The following SCYL2 variants were observed in gnomAD, a reference collection of about 807,000 sequenced individuals.
The protein encoded by SCYL2 is SCY1 like pseudokinase 2.
Under a neutral mutation model 100.4 loss-of-function variants are expected in SCYL2, and 36 were observed. That is an observed-to-expected ratio of 0.36 (90% confidence interval 0.27 to 0.47). SCYL2 has a LOEUF of 0.47. Ranked by LOEUF, SCYL2 falls within the 20% of genes least tolerant of loss-of-function variation. SCYL2 has a pLI of 1.00. For synonymous variants in SCYL2, 330 were observed against 359.2 expected (o/e 0.92, Z 0.92); for missense variants, 902 against 1,083.9 (o/e 0.83, Z 2.36).
intron 3 of SCYL2, among the ~76,000 whole-genome samples, chr12:100,297,683 T>C (rs2096322508): frequency 6.6e-6 from 1 of 152,218 alleles, no homozygotes; most frequent in African/African-American, 2.4e-5. Context: ...AAGTGTAATG[T>C]AACAGTATTT....
chr12:100,321,104 A>C (rs936603568), intron 10 of SCYL2, among the ~76,000 whole-genome samples: 4 of 152,152 alleles, frequency 2.6e-5, no homozygotes, highest in Non-Finnish European at 5.9e-5. Flanking sequence ...TGCCTGGCTC[A>C]TTTTTAAATT....
chr12:100,329,193 T>G lies in SCYL2; in HGVS notation c.1643-8T>G. ...ACTTATAAAATTTGTCACATTCTTT[T>G]CTATCAGGTATTTACAAATGTACTT... On this transcript the variant is annotated splice_polypyrimidine_tract_variant and splice_region_variant and intron_variant, in intron 12 of 17. Transcript: ENST00000360820. 7.4e-7 allele frequency: 1 copy of G among 1,342,528 alleles called. No homozygotes were observed. Among genetic ancestry groups the G allele is most frequent in the South Asian group, 1.2e-5 (1 of 85,122 alleles). 83.2% of individuals were successfully genotyped at this position (1,342,528 alleles called of 1,614,324 possible).
intron 1 of SCYL2, among the ~76,000 whole-genome samples, chr12:100,282,593 G>A (rs1174784937): frequency 6.6e-6 from 1 of 152,152 alleles, no homozygotes; most frequent in Non-Finnish European, 1.5e-5. Flanking sequence ...CCGAAGTGCT[G>A]ATATTACAGG....
At chr12:100,303,445 T>A (rs760496051) in intron 4 of SCYL2, among the ~76,000 whole-genome samples, 8 of 150,786 alleles carry the variant, frequency 5.3e-5, no homozygotes, top group Non-Finnish European at 1.2e-4. Context: ...GTAGATGTCC[T>A]TTTTGTTGAT....
rs935803791 is a variant in SCYL2 at position 100,339,108 on chromosome 12, A to C, written c.2726A>C (p.Gln909Pro). ...NPFFNPQNFAQPPTTMTNSSS... is the reference protein window; with the variant it reads ...NPFFNPQNFAPPPTTMTNSSS... The stretch of plus-strand genomic sequence containing the variant: ...TTCTTTAACCCACAGAACTTTGCAC[A>C]GCCACCAACTACTATGACCAATAGC... Residue 909 changes from glutamine (Q) to proline (P), a missense_variant, in exon 18 of 18, where the codon CAG becomes CCG. Physicochemically the swap from Gln to Pro is moderately conservative, Grantham distance 76. Transcript: ENST00000360820. 6 of 1,614,006 alleles carry C rather than the reference A, an allele frequency of 3.7e-6. No homozygotes were observed. The highest frequency in any genetic ancestry group is 5.1e-6 in the Non-Finnish European group (6 of 1,179,974).
chr12:100,295,581 C>T (rs939885820), intron 3 of SCYL2, among the ~76,000 whole-genome samples: 6 of 151,762 alleles, frequency 4.0e-5, no homozygotes, highest in Admixed American at 1.3e-4. Context: ...TGCCTGCAAT[C>T]GCAGGCACTC....
rs144731391 is a variant in SCYL2, at chr12:100,330,474, A to G, written c.1761+1155A>G. The stretch of plus-strand genomic sequence containing the variant: ...TCATTATAGCCCCAGCACTTAGTGC[A>G]ATGACAGAAGCAAAAATATTAATTG... On this transcript the variant is annotated intron_variant, in intron 13 of 17. Coordinates refer to ENST00000360820, the MANE Select transcript of SCYL2 (RefSeq NM_017988.6). Among the ~76,000 whole-genome samples, 60 of 152,342 alleles carry G rather than the reference A, an allele frequency of 3.9e-4. 2 individuals are homozygous for G. In the East Asian group the frequency reaches 0.011, roughly 28 times the overall value.
chr12:100,311,168 C>T lies in SCYL2; in HGVS notation c.605C>T (p.Ser202Leu). 1 of 1,600,942 alleles carries T rather than the reference C, an allele frequency of 6.2e-7. No individual in the cohort carries two copies. The highest frequency in any genetic ancestry group is 8.5e-7 in the Non-Finnish European group (1 of 1,176,326). The stretch of plus-strand genomic sequence containing the variant: ...ATAATGGGTTTTGATTTTTGTGTAT[C>T]ATCAACCAATCCTTCTGAACAAGAG... ...WKIMGFDFCV[S>L]STNPSEQEPK... Residue 202 changes from serine to leucine, a missense_variant, in exon 5 of 18, where the codon TCA becomes TTA. Ser to Leu is a moderately radical substitution (Grantham distance 145). Coordinates refer to ENST00000360820, the MANE Select transcript of SCYL2 (RefSeq NM_017988.6).
At chr12:100,271,200 C>A (rs2096287209) in intron 1 of SCYL2, among the ~76,000 whole-genome samples, 1 of 127,434 alleles carries the variant, frequency 7.8e-6, no homozygotes, top group Admixed American at 9.5e-5. Flanking sequence ...ATGTATATTT[C>A]AAGAATACAT....
intron 10 of SCYL2, among the ~76,000 whole-genome samples, chr12:100,318,329 C>CTTTTTTTTTTTTTTTT (rs1052095844): frequency 2.3e-5 from 3 of 130,948 alleles, no homozygotes; most frequent in Non-Finnish European, 4.9e-5. Context: ...TCTTTTCTTT[C>CTTTTTTTTTTTTTTTT]TTTTTTTTTT....
rs1304858490 is a variant in SCYL2 at position 100,291,635 on chromosome 12, G to C, written c.310G>C (p.Val104Leu). 1 of 1,592,660 alleles carries C rather than the reference G, an allele frequency of 6.3e-7. No homozygotes were observed. The highest frequency in any genetic ancestry group is 8.5e-7 in the Non-Finnish European group (1 of 1,173,666). Residue 104 changes from valine to leucine, a missense_variant, in exon 3 of 18, where the codon GTC becomes CTC. By Grantham distance (32) the Val-to-Leu change is conservative. Coordinates refer to ENST00000360820, the MANE Select transcript of SCYL2 (RefSeq NM_017988.6). ...GCTTCGACACCCTCGACTTCTTACT[G>C]TCCAGCATCCTTTAGAAGAATCCAG... Reference protein sequence around the residue: ...TRLRHPRLLTVQHPLEESRDC... With the variant: ...TRLRHPRLLTLQHPLEESRDC...
chr12:100,312,387 T>G lies in SCYL2; in HGVS notation c.631-45T>G, dbSNP rs772330292. The G allele has an allele frequency of 6.0e-6, 8 of 1,334,322 alleles. No homozygotes were observed. The South Asian group carries it at 9.4e-5, about 16-fold the overall frequency. The allele number at this position is 1,334,322 out of a possible 1,614,324, so 82.7% of individuals were successfully genotyped here. A position where few individuals can be genotyped will look rare whatever the true frequency, so the allele number is the denominator to read the frequency against. On this transcript the variant is annotated intron_variant, in intron 5 of 17. Transcript: ENST00000360820. ...AGATTACTACTGCTTGATAGTTGTTTGGTTGAATTTGAAGTAACCCATGTA... is the reference window on the plus strand; with the variant it reads ...AGATTACTACTGCTTGATAGTTGTTGGGTTGAATTTGAAGTAACCCATGTA...
intron 4 of SCYL2, among the ~76,000 whole-genome samples, chr12:100,306,220 A>G (rs1198866499): frequency 1.3e-5 from 2 of 152,210 alleles, no homozygotes; most frequent in African/African-American, 4.8e-5. Flanking sequence ...TTTCAGGCCA[A>G]TATCCCTGAT....
At chr12:100,273,568 G>A (rs1022932863) in intron 1 of SCYL2, among the ~76,000 whole-genome samples, 2 of 152,066 alleles carry the variant, frequency 1.3e-5, no homozygotes, top group African/African-American at 4.8e-5. Context: ...TTTGCCATAC[G>A]TACATCAGTG....
rs140838919 is a variant in SCYL2 at position 100,311,175 on chromosome 12, C to T, written c.612C>T (p.Thr204=). Residue 204 remains threonine, a synonymous_variant, in exon 5 of 18, where the codon ACC becomes ACT. Transcript: ENST00000360820. ...GTTTTGATTTTTGTGTATCATCAAC[C>T]AATCCTTCTGAACAAGAGGTAATGA... The part of the protein sequence containing the change: ...IMGFDFCVSS[T]NPSEQEPKFP... 117 of 1,595,670 alleles carry T rather than the reference C, an allele frequency of 7.3e-5. No individual in the cohort carries two copies. The Middle Eastern group carries it at 2.0e-3, about 27-fold the overall frequency.
intron 3 of SCYL2, among the ~76,000 whole-genome samples, chr12:100,293,191 G>C (rs962263685): frequency 1.9e-4 from 28 of 150,918 alleles, no homozygotes; most frequent in Middle Eastern, 3.6e-3. Flanking sequence ...TCCCGAGCTT[G>C]TGTGATCCTC....
rs1413421441 is a variant in SCYL2, at chr12:100,335,629, T to G, written c.1867T>G (p.Leu623Val). ...LHIMQEQQKSLDIGNQMNVSE... is the reference protein window; with the variant it reads ...LHIMQEQQKSVDIGNQMNVSE... ...CATAATTCAACTCTCCTACAGATCT[T>G]TGGATATAGGAAATCAAATGAATGT... Residue 623 changes from leucine to valine, a missense_variant, in exon 15 of 18, where the codon TTG becomes GTG. Leu to Val is a conservative substitution (Grantham distance 32, BLOSUM62 1). Transcript: ENST00000360820. 1 of 1,598,444 alleles carries G rather than the reference T, an allele frequency of 6.3e-7. No homozygotes were observed. Among genetic ancestry groups the G allele is most frequent in the Non-Finnish European group, 8.6e-7 (1 of 1,168,816 alleles).
At chr12:100,283,836 T>C (rs1474672731) in intron 2 of SCYL2, among the ~76,000 whole-genome samples, 1 of 152,228 alleles carries the variant, frequency 6.6e-6, no homozygotes, top group East Asian at 1.9e-4. Context: ...CTATGATAAA[T>C]TGCTGGTATG....
chr12:100,299,174 G>A (rs1365063859), intron 4 of SCYL2, among the ~76,000 whole-genome samples: 2 of 152,100 alleles, frequency 1.3e-5, no homozygotes, highest in Admixed American at 1.3e-4. Context: ...GGTTGAGGAT[G>A]CAGTGAGCTA....
Sources: allele counts gnomAD v4.1 joint callset (sites outside exome capture counted in the v4.1 genomes callset), GRCh38; gene constraint gnomAD v4.1.1; transcripts MANE v1.5; gene names NCBI Gene and HGNC (gene_info 2026-07-23, HGNC 2026-07-21).